STARD13: variants seen among roughly 807,000 people sequenced by gnomAD.
The protein encoded by STARD13 is StAR related lipid transfer domain containing 13.
A neutral mutation model predicts 106.4 loss-of-function variants in STARD13; 62 were observed. The ratio of observed to expected loss-of-function variants is 0.58; its 90% confidence interval spans 0.48 to 0.72. The LOEUF (loss-of-function observed/expected upper bound fraction) is 0.72, where lower values mean the gene tolerates loss of function less well. Among genes scored for constraint, STARD13 ranks in the 30% least tolerant of loss-of-function variants. The pLI is 0.00. For missense variants in STARD13, 1,387 were observed against 1,424.0 expected (o/e 0.97, Z 0.42); for synonymous variants, 565 against 553.0 (o/e 1.02, Z -0.31).
chr13:33,503,218 A>G, the STARD13 span, among the ~76,000 whole-genome samples: 5 of 152,108 alleles, frequency 3.3e-5, no homozygotes, highest in African/African-American at 4.8e-5. Context: ...CTGTGGGATC[A>G]GTGGTGATAT....
upstream of STARD13, among the ~76,000 whole-genome samples, chr13:33,286,171 C>CA (rs112494237): frequency 5.0e-4 from 75 of 151,066 alleles, no homozygotes; most frequent in South Asian, 2.8e-3. Flanking sequence ...CACAACACAA[C>CA]AAAAAAAAAC....
the STARD13 span, among the ~76,000 whole-genome samples, chr13:33,580,607 ATATGT>A: frequency 2.0e-5 from 3 of 152,290 alleles, no homozygotes; most frequent in East Asian, 5.8e-4. Flanking sequence ...CACGAATAAA[ATATGT>A]TAATAATAGA....
At chr13:33,533,016 G>A in the STARD13 span, among the ~76,000 whole-genome samples, 1 of 152,200 alleles carries the variant, frequency 6.6e-6, no homozygotes, top group East Asian at 1.9e-4. Flanking sequence ...AGTCACCCAT[G>A]GCTAAATGTT....
intron 1 of STARD13, among the ~76,000 whole-genome samples, chr13:33,218,046 A>C (rs1888142493): frequency 1.3e-5 from 2 of 152,196 alleles, no homozygotes; most frequent in African/African-American, 4.8e-5. Flanking sequence ...TTTACAGAGG[A>C]GAAAACAAAA....
At chr13:33,218,111 G>C (rs554625920) in intron 1 of STARD13, among the ~76,000 whole-genome samples, 3 of 152,274 alleles carry the variant, frequency 2.0e-5, no homozygotes, top group Admixed American at 1.3e-4. Context: ...ACTTTTTACT[G>C]TATGGCAAAC....
chr13:33,657,421 C>T, the STARD13 span: 2 of 152,230 alleles, frequency 1.3e-5, no homozygotes, highest in African/African-American at 4.8e-5. Flanking sequence ...AACATGATCC[C>T]TGTCGTTACA....
chr13:33,544,053 G>T, the STARD13 span, among the ~76,000 whole-genome samples: 167 of 152,168 alleles, frequency 1.1e-3, 2 homozygotes, highest in Non-Finnish European at 1.1e-3. Flanking sequence ...TGTGATAGAG[G>T]GTGCTGTAAT....
chr13:33,299,532 C>A (rs4245366), intron 1 of STARD13, among the ~76,000 whole-genome samples: 144,808 of 152,180 alleles, frequency 0.95, 69,296 homozygotes, highest in East Asian at 1. Context: ...GTAAAAAAGC[C>A]AAACATAATG....
At chr13:33,541,988 T>G in the STARD13 span, among the ~76,000 whole-genome samples, 3 of 152,198 alleles carry the variant, frequency 2.0e-5, no homozygotes, top group Admixed American at 2.0e-4. Context: ...CCTTTAAAAT[T>G]TGATAAAAGA....
the STARD13 span, among the ~76,000 whole-genome samples, chr13:33,514,814 T>C: frequency 6.6e-6 from 1 of 151,984 alleles, no homozygotes; most frequent in Non-Finnish European, 1.5e-5. Context: ...CATGATGCAG[T>C]CTACCAATCC....
intron 1 of STARD13, among the ~76,000 whole-genome samples, chr13:33,226,864 T>A (rs982121073): frequency 6.6e-6 from 1 of 152,242 alleles, no homozygotes; most frequent in African/African-American, 2.4e-5. Flanking sequence ...ACTCATACTA[T>A]AAAACATCTA....
At chr13:33,237,135 G>C (rs1370708852) in intron 1 of STARD13, among the ~76,000 whole-genome samples, 1 of 152,120 alleles carries the variant, frequency 6.6e-6, no homozygotes. Flanking sequence ...AAGGAATTCA[G>C]CTTTCTCCTA....
intron 1 of STARD13, among the ~76,000 whole-genome samples, chr13:33,193,272 G>A (rs994049784): frequency 6.6e-6 from 1 of 152,188 alleles, no homozygotes; most frequent in African/African-American, 2.4e-5. Flanking sequence ...AGGGCTTAAT[G>A]AAAATGAAAG....
At chr13:33,542,812 C>G in the STARD13 span, among the ~76,000 whole-genome samples, 1 of 152,266 alleles carries the variant, frequency 6.6e-6, no homozygotes, top group African/African-American at 2.4e-5. Flanking sequence ...CAGGCTCTGG[C>G]TCTCGGTGCG....
the STARD13 span, among the ~76,000 whole-genome samples, chr13:33,486,383 T>C: frequency 6.6e-6 from 1 of 152,166 alleles, no homozygotes; most frequent in Non-Finnish European, 1.5e-5. Flanking sequence ...ATATAAACTA[T>C]GTTTTTTCCT....
chr13:33,155,095 C>T (rs1193226966), intron 3 of STARD13, among the ~76,000 whole-genome samples: 1 of 152,144 alleles, frequency 6.6e-6, no homozygotes, highest in Non-Finnish European at 1.5e-5. Flanking sequence ...GGCCTTCCTC[C>T]TCACATGCTG....
chr13:33,317,769 T>C (rs1484129793), intron 1 of STARD13, among the ~76,000 whole-genome samples: 1 of 152,206 alleles, frequency 6.6e-6, no homozygotes, highest in Non-Finnish European at 1.5e-5. Context: ...CAAAGTAAAC[T>C]CTATGAGAGC....
intron 1 of STARD13, among the ~76,000 whole-genome samples, chr13:33,270,810 A>C (rs779556876): frequency 1.3e-5 from 2 of 152,190 alleles, no homozygotes; most frequent in Non-Finnish European, 2.9e-5. Context: ...TCTTATCCAT[A>C]GTTTAGGCTG....
the STARD13 span, among the ~76,000 whole-genome samples, chr13:33,598,513 C>T: frequency 2.6e-5 from 4 of 152,040 alleles, no homozygotes; most frequent in Admixed American, 1.3e-4. Flanking sequence ...CTATTTAGAC[C>T]AAGATTTGCA....
Sources: gnomAD v4.1 joint callset for allele counts (sites outside exome capture counted in the v4.1 genomes callset) on GRCh38, gnomAD v4.1.1 for gene constraint, MANE v1.5 for transcripts, NCBI Gene and HGNC (gene_info 2026-07-23, HGNC 2026-07-21) for gene names.